IL1RAP: variants seen among roughly 807,000 people sequenced by gnomAD.
The protein encoded by IL1RAP is interleukin 1 receptor accessory protein, also known as interleukin-1 receptor accessory protein.
IL1RAP carries 35 observed loss-of-function variants against 60.7 expected under a neutral mutation model. The ratio of observed to expected loss-of-function variants is 0.58; its 90% CI spans 0.44 to 0.76. The LOEUF (loss-of-function observed/expected upper bound fraction) is 0.76. IL1RAP is among the 30% of genes least tolerant of loss of function. The pLI, the probability that IL1RAP is intolerant of heterozygous loss-of-function variation, is 0.00. For missense variants in IL1RAP, 572 were observed against 693.9 expected (o/e 0.82, Z 1.97); for synonymous variants, 268 against 250.9 (o/e 1.07, Z -0.64).
intron 3 of IL1RAP, among the ~76,000 whole-genome samples, chr3:190,572,855 C>CTTTTTTTT (rs1337681913): frequency 2.3e-4 from 13 of 57,624 alleles, no homozygotes; most frequent in African/African-American, 4.7e-4. Context: ...AGGGTTAATG[C>CTTTTTTTT]TTTGTTTTTT....
At chr3:190,644,638 G>A (rs979444470) in intron 10 of IL1RAP, among the ~76,000 whole-genome samples, 5 of 151,986 alleles carry the variant, frequency 3.3e-5, no homozygotes, top group Admixed American at 1.3e-4. Context: ...AATATAATGC[G>A]AGCCACTTAC....
chr3:190,574,948 C>A lies in IL1RAP; in HGVS notation c.64+10595C>A, dbSNP rs369715782. On this transcript the variant is annotated intron_variant, in intron 3 of 11. Coordinates refer to ENST00000447382, the MANE Select transcript of IL1RAP (RefSeq NM_002182.4). ...CTGCAAACTCTCCAGAATTGAAATCCCAGCAGATTTAATACACAAAGCCTC... is the reference window on the plus strand; with the variant it reads ...CTGCAAACTCTCCAGAATTGAAATCACAGCAGATTTAATACACAAAGCCTC... 8.5e-5 allele frequency among the ~76,000 whole-genome samples: 13 copies of A among 152,236 alleles called. 1 individual carries two copies. The highest frequency in any genetic ancestry group is 3.1e-4 in the African/African-American group (13 of 41,544).
chr3:190,601,077 C>T (rs891246409), intron 3 of IL1RAP, among the ~76,000 whole-genome samples: 4 of 152,134 alleles, frequency 2.6e-5, no homozygotes, highest in African/African-American at 7.2e-5. Context: ...CTCTGCCTCC[C>T]GGGTTCAAGC....
chr3:190,586,960 C>T (rs1032789016), intron 3 of IL1RAP, among the ~76,000 whole-genome samples: 1 of 152,204 alleles, frequency 6.6e-6, no homozygotes, highest in Non-Finnish European at 1.5e-5. Context: ...AAGAGTCTCA[C>T]TTGCTTACTC....
chr3:190,566,006 T>TC (rs1341738094), intron 3 of IL1RAP, among the ~76,000 whole-genome samples: 3 of 151,932 alleles, frequency 2.0e-5, no homozygotes, highest in Non-Finnish European at 2.9e-5. Flanking sequence ...CTCCTCCTTT[T>TC]CCTTCCTTTT....
At chr3:190,645,604 GA>G in intron 10 of IL1RAP, 94 bp from the exon 11 acceptor site, 3 of 979,758 alleles carry the variant, frequency 3.1e-6, no homozygotes, top group Non-Finnish European at 3.0e-6. Context: ...GTCACATAAT[GA>G]AAATGTCTAA....
intron 2 of IL1RAP, among the ~76,000 whole-genome samples, chr3:190,560,834 A>G (rs1725826235): frequency 2.0e-5 from 3 of 152,232 alleles, no homozygotes; most frequent in African/African-American, 7.2e-5. Context: ...GTGAAGACCC[A>G]TCTTTAACAT....
At chr3:190,519,065 C>T (rs1327680153) in intron 1 of IL1RAP, 1 of 152,212 alleles carries the variant, frequency 6.6e-6, no homozygotes, top group African/African-American at 2.4e-5. Flanking sequence ...CATCCTACAT[C>T]CTCATCCCGG....
intron 9 of IL1RAP, among the ~76,000 whole-genome samples, chr3:190,643,765 G>T (rs1002086856): frequency 6.6e-6 from 1 of 152,144 alleles, no homozygotes; most frequent in Admixed American, 6.5e-5. Context: ...CTAGACAAGA[G>T]AATGAAACTA....
chr3:190,588,618 C>T (rs1728676953), intron 3 of IL1RAP, among the ~76,000 whole-genome samples: 1 of 152,192 alleles, frequency 6.6e-6, no homozygotes, highest in Non-Finnish European at 1.5e-5. Context: ...TAAAAGCCCT[C>T]TTCAAATGAC....
At chr3:190,659,036 A>C (rs2108878178) in exon 12 of IL1RAP, 1 of 152,282 alleles carries the variant, frequency 6.6e-6, no homozygotes, top group South Asian at 2.1e-4. Flanking sequence ...TTTCTCTCCA[A>C]ATCTATTAAT....
chr3:190,629,503 T>C lies in IL1RAP; in HGVS notation c.1051+5T>C, dbSNP rs1452974996. The C allele has an allele frequency of 1.9e-6, 3 of 1,607,606 alleles. No homozygotes were observed. Among genetic ancestry groups the C allele is most frequent in the East Asian group, 2.2e-5 (1 of 44,784 alleles). On this transcript the variant is annotated splice_donor_5th_base_variant and intron_variant, in intron 9 of 11. Transcript: ENST00000447382. ...CAGCCAAGGTGAAGCAGAAAGGTAA[T>C]AGATGCGGTCAGTGATGAATCTCTC...
In IL1RAP at chr3:190,633,468, T is replaced by C. The variant is rs149472010; in HGVS notation, c.1051+3970T>C. 6.5e-3 allele frequency among the ~76,000 whole-genome samples: 985 copies of C among 152,236 alleles called. 11 individuals are homozygous for C. Among genetic ancestry groups the C allele is most frequent in the African/African-American group, 0.023 (944 of 41,524 alleles). On this transcript the variant is annotated intron_variant, in intron 9 of 11. Transcript: ENST00000447382. ...ACCTCCTGAGTTCAAGCAATTCTCC[T>C]GCCTCAGCCTCCAGAGTAGCTGCGA...
At chr3:190,585,708 A>G (rs1728393710) in intron 3 of IL1RAP, among the ~76,000 whole-genome samples, 1 of 151,986 alleles carries the variant, frequency 6.6e-6, no homozygotes, top group South Asian at 2.1e-4. Context: ...GCTACTTGGG[A>G]GGGTGAGGTA....
chr3:190,564,066 C>A (rs892823997), intron 2 of IL1RAP: 57 of 525,546 alleles, frequency 1.1e-4, no homozygotes, highest in Admixed American at 6.3e-5. Flanking sequence ...TATTAAACTT[C>A]TTTATCTGCA....
chr3:190,562,626 G>T (rs917386243), intron 2 of IL1RAP, among the ~76,000 whole-genome samples: 1 of 151,542 alleles, frequency 6.6e-6, no homozygotes, highest in Non-Finnish European at 1.5e-5. Context: ...ATCCTTGAGG[G>T]GACGGATATT....
chr3:190,645,589 A>C, intron 10 of IL1RAP, 110 bp from the exon 11 acceptor site: 1 of 841,912 alleles, frequency 1.2e-6, no homozygotes, highest in Non-Finnish European at 1.9e-6. Flanking sequence ...ATCGCACTGG[A>C]ATCTGTCACA....
chr3:190,633,228 A>G (rs1732934924), intron 9 of IL1RAP, among the ~76,000 whole-genome samples: 1 of 152,198 alleles, frequency 6.6e-6, no homozygotes, highest in African/African-American at 2.4e-5. Context: ...GATATAATAT[A>G]TCTCTCCATT....
chr3:190,605,322 T>C (rs1730218357), intron 4 of IL1RAP, among the ~76,000 whole-genome samples: 1 of 151,948 alleles, frequency 6.6e-6, no homozygotes, highest in South Asian at 2.1e-4. Flanking sequence ...TGCATTAATG[T>C]TGTTTTTGGG....
Sources: allele counts gnomAD v4.1 joint callset (sites outside exome capture counted in the v4.1 genomes callset), GRCh38; gene constraint gnomAD v4.1.1; transcripts MANE v1.5; gene names NCBI Gene and HGNC (gene_info 2026-07-23, HGNC 2026-07-21).